The following RGS20 variants were observed in gnomAD, a reference collection of about 807,000 sequenced individuals.
RGS20 encodes regulator of G protein signaling 20, also known as gz-selective GTPase-activating protein.
A neutral mutation model predicts 33.6 loss-of-function variants in RGS20; 30 were observed. The observed-to-expected ratio is 0.89, with a 90% CI of 0.67 to 1.21. RGS20 has a LOEUF of 1.21. Among genes scored for constraint, RGS20 ranks in the 50% most tolerant of loss-of-function variants. The probability of loss-of-function intolerance (pLI) is 0.00; values close to 1 mark genes in which losing one functional copy is unlikely to be tolerated. For synonymous variants in RGS20, 208 were observed against 197.9 expected, an observed-to-expected ratio of 1.05 and a Z score of -0.43; for missense variants, 472 against 502.4, an observed-to-expected ratio of 0.94 and a Z score of 0.58.
intron 3 of RGS20, among the ~76,000 whole-genome samples, chr8:53,944,463 G>A (rs1342586116): frequency 2.6e-5 from 4 of 151,802 alleles, no homozygotes; most frequent in East Asian, 3.9e-4. Flanking sequence ...ACTTAAACCC[G>A]GGAGGCGGAG....
intron 2 of RGS20, among the ~76,000 whole-genome samples, chr8:53,898,500 G>A (rs561769426): frequency 1.3e-5 from 2 of 152,294 alleles, no homozygotes; most frequent in Admixed American, 6.5e-5. Context: ...CAGAAGTGTG[G>A]ATTTGTGGAG....
chr8:53,936,229 G>T (rs1164864033), intron 2 of RGS20, among the ~76,000 whole-genome samples: 1 of 152,146 alleles, frequency 6.6e-6, no homozygotes, highest in Non-Finnish European at 1.5e-5. Flanking sequence ...ATTCAACATA[G>T]TATTGGAAGT....
At chr8:53,943,782 A>G (rs185393402) in intron 3 of RGS20, among the ~76,000 whole-genome samples, 1 of 152,160 alleles carries the variant, frequency 6.6e-6, no homozygotes, top group Non-Finnish European at 1.5e-5. Context: ...GCTTTTTCAT[A>G]CCCACTGAGC....
chr8:53,946,771 C>A, intron 4 of RGS20, 23 bp downstream of exon 3: 7 of 1,578,150 alleles, frequency 4.4e-6, no homozygotes, highest in Non-Finnish European at 6.1e-6. Context: ...GTTTTTTTTA[C>A]CTCACTAAAC....
intron 2 of RGS20, among the ~76,000 whole-genome samples, chr8:53,888,303 G>A (rs567520938): frequency 1.2e-4 from 19 of 152,316 alleles, no homozygotes; most frequent in African/African-American, 4.6e-4. Flanking sequence ...TTAGGTTTCA[G>A]TGAGGAGCTA....
intron 2 of RGS20, among the ~76,000 whole-genome samples, chr8:53,922,394 G>A (rs576050019): frequency 6.6e-6 from 1 of 151,972 alleles, no homozygotes; most frequent in African/African-American, 2.4e-5. Flanking sequence ...TTGCATTTTT[G>A]AATCTAAAGT....
At chr8:53,880,250 C>G (rs1211473330) in intron 2 of RGS20, 1 of 152,416 alleles carries the variant, frequency 6.6e-6, no homozygotes, top group East Asian at 1.9e-4. Flanking sequence ...ACGCGGAGGG[C>G]GACTGCCGAG....
At chr8:53,954,568 G>A (rs945936055) in intron 5 of RGS20, among the ~76,000 whole-genome samples, 1 of 151,962 alleles carries the variant, frequency 6.6e-6, no homozygotes, top group Admixed American at 6.5e-5. Context: ...GGAGGCTGAG[G>A]CAGGAGAATC....
At chr8:53,917,328 C>T (rs1487669058) in intron 2 of RGS20, among the ~76,000 whole-genome samples, 1 of 151,826 alleles carries the variant, frequency 6.6e-6, no homozygotes, top group Non-Finnish European at 1.5e-5. Context: ...TTTGTATTTT[C>T]AGTAGAGACA....
chr8:53,861,063 T>G (rs541705880), intron 1 of RGS20, among the ~76,000 whole-genome samples: 3 of 152,338 alleles, frequency 2.0e-5, no homozygotes, highest in African/African-American at 7.2e-5. Context: ...ATTGCAACTT[T>G]AAACCAACTT....
At chr8:53,867,222 T>A (rs761473718) in intron 1 of RGS20, among the ~76,000 whole-genome samples, 8 of 152,042 alleles carry the variant, frequency 5.3e-5, no homozygotes, top group Non-Finnish European at 1.2e-4. Context: ...ATGGTGGCAG[T>A]GTGAAATTTA....
At position 53,958,642 on chromosome 8, in the gene RGS20, T is replaced by C; in HGVS notation, c.*184T>C. On this transcript the variant is annotated 3_prime_UTR_variant, in exon 6 of 6. Coordinates refer to ENST00000297313, the MANE Select transcript of RGS20 (RefSeq NM_170587.4). ...TGTAAACTGCAGCCACCTTTAGTGA[T>C]ACTTTTGAAAAAAAAAAATAAAGGG... 1 of 327,702 alleles carries C rather than the reference T, an allele frequency of 3.1e-6. No individual in the cohort carries two copies. Among genetic ancestry groups the C allele is most frequent in the Non-Finnish European group, 5.3e-6 (1 of 187,098 alleles). The allele number at this position is 327,702 out of a possible 1,614,324, so 20.3% of individuals were successfully genotyped here. A position where few individuals can be genotyped will look rare whatever the true frequency, so the allele number is the denominator to read the frequency against.
At chr8:53,954,054 C>G (rs757842988) in intron 4 of RGS20, 22 bp from the exon 4 acceptor site, 4 of 1,533,820 alleles carry the variant, frequency 2.6e-6, no homozygotes, top group Non-Finnish European at 3.6e-6. Flanking sequence ...CTTTTGCCCC[C>G]TCTCTTTTGG....
At chr8:53,935,900 A>G (rs971660040) in intron 2 of RGS20, among the ~76,000 whole-genome samples, 4 of 152,158 alleles carry the variant, frequency 2.6e-5, no homozygotes, top group African/African-American at 9.6e-5. Context: ...CTTATCCACC[A>G]CCATCAAGTC....
intron 2 of RGS20, among the ~76,000 whole-genome samples, chr8:53,883,226 G>A (rs1445353348): frequency 6.6e-6 from 1 of 151,108 alleles, no homozygotes; most frequent in Non-Finnish European, 1.5e-5. Flanking sequence ...GCGCGATCTC[G>A]GCTCACTGCA....
chr8:53,869,508 T>C (rs1651176216), intron 1 of RGS20, among the ~76,000 whole-genome samples: 1 of 152,040 alleles, frequency 6.6e-6, no homozygotes. Flanking sequence ...AAACCCTGTC[T>C]CTACTAAAAA....
intron 1 of RGS20, among the ~76,000 whole-genome samples, chr8:53,863,145 G>A (rs766705886): frequency 5.3e-5 from 8 of 152,144 alleles, no homozygotes; most frequent in Middle Eastern, 3.4e-3. Context: ...GTGCCACCAT[G>A]CCCGGCTAAT....
chr8:53,865,994 C>T (rs1028291558), intron 1 of RGS20, among the ~76,000 whole-genome samples: 1 of 152,166 alleles, frequency 6.6e-6, no homozygotes, highest in Non-Finnish European at 1.5e-5. Flanking sequence ...AACAGACTAT[C>T]ACAATACAGA....
rs754987191 is a variant in RGS20 at position 53,946,781 on chromosome 8, C to G, written c.743+33C>G. 3 of 1,547,002 alleles carry G rather than the reference C, an allele frequency of 1.9e-6. No individual in the cohort carries two copies. In the African/African-American group the frequency reaches 4.1e-5, roughly 21 times the overall value. ...CACACGTTTTTTTTACCTCACTAAA[C>G]TAACAGAAATACTAACCTCTTTCTT... On this transcript the variant is annotated intron_variant, in intron 4 of 5. Coordinates refer to ENST00000297313, the MANE Select transcript of RGS20 (RefSeq NM_170587.4).
Sources: gnomAD v4.1 joint callset for allele counts (sites outside exome capture counted in the v4.1 genomes callset) on GRCh38, gnomAD v4.1.1 for gene constraint, MANE v1.5 for transcripts, NCBI Gene and HGNC (gene_info 2026-07-23, HGNC 2026-07-21) for gene names.